COL25A1: variants seen among roughly 807,000 people sequenced by gnomAD.
COL25A1 encodes the protein collagen alpha-1(XXV) chain.
In COL25A1, 103 loss-of-function variants were observed where a neutral mutation model predicts 128.4. The ratio of observed to expected loss-of-function variants is 0.80; its 90% CI spans 0.68 to 0.94. The LOEUF is 0.94. Ranked by LOEUF, COL25A1 falls within the 40% of genes least tolerant of loss-of-function variation. COL25A1 has a pLI of 0.00. For synonymous variants in COL25A1, 279 were observed against 277.2 expected (o/e 1.01, Z -0.06); for missense variants, 745 against 840.0 (o/e 0.89, Z 1.40).
intron 5 of COL25A1, among the ~76,000 whole-genome samples, chr4:109,022,667 G>A (rs1757883407): frequency 6.6e-6 from 1 of 152,184 alleles, no homozygotes; most frequent in South Asian, 2.1e-4. Flanking sequence ...TCCTGATATT[G>A]AAGGTAACAA....
chr4:108,819,161 G>T, intron 36 of COL25A1, 91 bp downstream of exon 36: 2 of 929,260 alleles, frequency 2.2e-6, no homozygotes, highest in Non-Finnish European at 3.3e-6. Context: ...TGTAAAGCTT[G>T]CCCAGAAAGC....
Position 109,206,046 on chromosome 4 carries a change from G to GA in COL25A1, c.367+94536dup, listed in dbSNP as rs1021122251. 6.7e-5 allele frequency among the ~76,000 whole-genome samples: 10 copies of GA among 150,350 alleles called. No individual in the cohort carries two copies. In the East Asian group the frequency reaches 7.7e-4, roughly 12 times the overall value. On this transcript the variant is annotated intron_variant, in intron 3 of 37. Transcript: ENST00000399132. ...CAAGATTATTTTAACTCATTTTTCA[G>GA]AAAAAAAAATCTTTTTCATTCATAG...
At chr4:109,014,992 G>A (rs957069435) in intron 5 of COL25A1, among the ~76,000 whole-genome samples, 7 of 152,182 alleles carry the variant, frequency 4.6e-5, no homozygotes, top group Admixed American at 1.3e-4. Flanking sequence ...GTCCGGCAGC[G>A]CCGAGTCTTG....
intron 3 of COL25A1, among the ~76,000 whole-genome samples, chr4:109,106,423 C>A (rs1167952044): frequency 6.6e-6 from 1 of 152,050 alleles, no homozygotes; most frequent in African/African-American, 2.4e-5. Context: ...CTCTCCCCAA[C>A]CAAAATAAAA....
At chr4:109,195,723 C>A (rs376392215) in intron 3 of COL25A1, among the ~76,000 whole-genome samples, 2 of 151,962 alleles carry the variant, frequency 1.3e-5, no homozygotes, top group Non-Finnish European at 2.9e-5. Context: ...CCAAGGAAAA[C>A]AAAATTCATG....
chr4:108,979,075 G>A (rs544773378), intron 6 of COL25A1, among the ~76,000 whole-genome samples: 2 of 152,182 alleles, frequency 1.3e-5, no homozygotes, highest in East Asian at 3.9e-4. Context: ...GGCATTGTTG[G>A]AATGTTATTA....
intron 5 of COL25A1, among the ~76,000 whole-genome samples, chr4:109,016,341 G>A (rs1757214694): frequency 6.6e-6 from 1 of 152,260 alleles, no homozygotes; most frequent in Non-Finnish European, 1.5e-5. Flanking sequence ...GTGGGGCTGA[G>A]GGCAGCGCAG....
intron 5 of COL25A1, among the ~76,000 whole-genome samples, chr4:109,029,690 G>A (rs1758649741): frequency 6.6e-6 from 1 of 152,044 alleles, no homozygotes; most frequent in Non-Finnish European, 1.5e-5. Context: ...TCCACTGAGG[G>A]TTTTGGAACA....
At chr4:108,816,850 G>A (rs1366992066) in intron 37 of COL25A1, among the ~76,000 whole-genome samples, 1 of 152,114 alleles carries the variant, frequency 6.6e-6, no homozygotes, top group Non-Finnish European at 1.5e-5. Flanking sequence ...TTTCATCACT[G>A]AATACACACA....
intron 31 of COL25A1, chr4:108,838,217 T>C (rs1734027227): frequency 7.0e-7 from 1 of 1,432,854 alleles, no homozygotes; most frequent in African/African-American, 1.4e-5. Context: ...GTTGCTATTA[T>C]GGGTGTTTAA....
intron 3 of COL25A1, among the ~76,000 whole-genome samples, chr4:109,156,497 G>T (rs1245561888): frequency 6.6e-6 from 1 of 152,186 alleles, no homozygotes; most frequent in African/African-American, 2.4e-5. Flanking sequence ...ATCTGTTAGT[G>T]ATTTTAAATT....
chr4:108,903,122 G>A (rs1436620872), intron 13 of COL25A1, among the ~76,000 whole-genome samples: 3 of 151,940 alleles, frequency 2.0e-5, no homozygotes, highest in Non-Finnish European at 2.9e-5. Flanking sequence ...TTTGAAGCAA[G>A]GAAGAGAAAT....
At chr4:108,843,354 A>G (rs907132292) in intron 30 of COL25A1, among the ~76,000 whole-genome samples, 9 of 152,040 alleles carry the variant, frequency 5.9e-5, no homozygotes, top group Non-Finnish European at 8.8e-5. Context: ...AGTGACCATA[A>G]TTTACTTATT....
intron 3 of COL25A1, among the ~76,000 whole-genome samples, chr4:109,294,562 C>T (rs958410285): frequency 2.6e-5 from 4 of 152,062 alleles, no homozygotes; most frequent in African/African-American, 9.7e-5. Context: ...GTGCGTTAAA[C>T]CACCACATGG....
At chr4:109,234,295 C>T (rs1370190268) in intron 3 of COL25A1, among the ~76,000 whole-genome samples, 1 of 152,080 alleles carries the variant, frequency 6.6e-6, no homozygotes, top group Non-Finnish European at 1.5e-5. Context: ...CAAGACTGTG[C>T]CTTCCCCTTT....
intron 3 of COL25A1, among the ~76,000 whole-genome samples, chr4:109,069,809 G>T (rs145900375): frequency 6.6e-6 from 1 of 152,108 alleles, no homozygotes; most frequent in Non-Finnish European, 1.5e-5. Context: ...TGTGGAAGCT[G>T]CTGGCTTCTA....
intron 3 of COL25A1, among the ~76,000 whole-genome samples, chr4:109,237,178 A>G (rs1779530656): frequency 6.6e-6 from 1 of 152,088 alleles, no homozygotes; most frequent in African/African-American, 2.4e-5. Flanking sequence ...GGATCCCAGT[A>G]GCAGTACTTT....
intron 3 of COL25A1, among the ~76,000 whole-genome samples, chr4:109,115,131 T>A (rs528182533): frequency 5.9e-5 from 9 of 152,168 alleles, no homozygotes; most frequent in African/African-American, 2.2e-4. Flanking sequence ...CAAAACAAGG[T>A]ATAACATTCT....
intron 3 of COL25A1, among the ~76,000 whole-genome samples, chr4:109,186,089 T>C (rs751210561): frequency 2.0e-5 from 3 of 152,204 alleles, no homozygotes; most frequent in Non-Finnish European, 2.9e-5. Context: ...GCATCTCTCT[T>C]GCCAGGACCT....
Sources: gnomAD v4.1 joint callset for allele counts (sites outside exome capture counted in the v4.1 genomes callset) on GRCh38, gnomAD v4.1.1 for gene constraint, MANE v1.5 for transcripts, NCBI Gene and HGNC (gene_info 2026-07-23, HGNC 2026-07-21) for gene names.